Variants in SLC6A3 observed in about 807,000 individuals in gnomAD.
SLC6A3 encodes the protein sodium-dependent dopamine transporter.
SLC6A3 carries 19 observed loss-of-function variants against 70.4 expected under a neutral mutation model. The ratio of observed to expected loss-of-function variants is 0.27; its 90% CI spans 0.19 to 0.40. SLC6A3 has a LOEUF of 0.40. Among genes scored for constraint, SLC6A3 ranks in the 10% least tolerant of loss-of-function variants. The probability of loss-of-function intolerance (pLI) is 1.00; values close to 1 mark genes in which losing one functional copy is unlikely to be tolerated. For synonymous variants in SLC6A3, 368 were observed against 356.6 expected (o/e 1.03, Z -0.36); for missense variants, 613 against 838.5 (o/e 0.73, Z 3.32).
At chr5:1,434,992 C>G (rs527730697) in intron 3 of SLC6A3, among the ~76,000 whole-genome samples, 1 of 152,330 alleles carries the variant, frequency 6.6e-6, no homozygotes, top group East Asian at 1.9e-4. Context: ...AAGGTCTTCT[C>G]CTATGTGGAT....
At chr5:1,418,894 C>A (rs549831360) in intron 6 of SLC6A3, among the ~76,000 whole-genome samples, 1 of 149,616 alleles carries the variant, frequency 6.7e-6, no homozygotes, top group African/African-American at 2.5e-5. Context: ...TAGCTACCTA[C>A]CTATCATTCA....
At chr5:1,414,641 C>T (rs28363073) in intron 8 of SLC6A3, 50 bp downstream of exon 8, 198 of 1,604,048 alleles carry the variant, frequency 1.2e-4, no homozygotes, top group Middle Eastern at 7.1e-4. Context: ...GCTGAGAGCT[C>T]GGCGCTGGTG....
chr5:1,421,750 G>A lies in SLC6A3; in HGVS notation c.792+126C>T. On this transcript the variant is annotated intron_variant, in intron 5 of 14. Transcript: ENST00000270349. This position sits in a 1 kb window ranked among gnomAD's most constrained non-coding sequence, Gnocchi z 7.2. ...ATGGCCATGTGTCCACCCCAACCTG[G>A]CCATGGCCACATTGGTAGCACAAAA... 1 of 1,033,066 alleles carries A rather than the reference G, an allele frequency of 9.7e-7. No homozygotes were observed. The highest frequency in any genetic ancestry group is 1.5e-6 in the Non-Finnish European group (1 of 662,256). 64.0% of individuals were successfully genotyped at this position (1,033,066 alleles called of 1,614,324 possible). A position where few individuals can be genotyped will look rare whatever the true frequency, so the allele number is the denominator to read the frequency against.
rs1405381036 is a variant in SLC6A3 at position 1,421,622 on chromosome 5, G to A, written c.792+254C>T. Among the ~76,000 whole-genome samples, 3 of 151,796 alleles carry A rather than the reference G, an allele frequency of 2.0e-5. No individual in the cohort carries two copies. The highest frequency in any genetic ancestry group is 3.9e-4 in the East Asian group (2 of 5,172). On this transcript the variant is annotated intron_variant, in intron 5 of 14. Coordinates refer to ENST00000270349, the MANE Select transcript of SLC6A3 (RefSeq NM_001044.5). This position sits in a 1 kb window ranked among gnomAD's most constrained non-coding sequence, Gnocchi z 7.2. ...TCCCCCCACCCACCCATGGCCGCGC[G>A]TCTACCCAAGCCAACCCGGCACAGC...
rs1340663801 is a variant in SLC6A3, at chr5:1,392,808, A to T, written c.*1927T>A. ...GGCTGAGGCAGTTTTTCCATTGTGG[A>T]TGTCTTTTATTGTGCTTAGGGACCC... On this transcript the variant is annotated 3_prime_UTR_variant, in exon 15 of 15. Transcript: ENST00000270349. 1 of 152,246 alleles carries T rather than the reference A, an allele frequency of 6.6e-6. No homozygotes were observed. Among genetic ancestry groups the T allele is most frequent in the African/African-American group, 2.4e-5 (1 of 41,418 alleles). The allele number at this position is 152,246 out of a possible 1,614,324, so 9.4% of individuals were successfully genotyped here. A position where few individuals can be genotyped will look rare whatever the true frequency, so the allele number is the denominator to read the frequency against.
chr5:1,434,579 G>A (rs938501867), intron 3 of SLC6A3, among the ~76,000 whole-genome samples: 6 of 152,062 alleles, frequency 3.9e-5, no homozygotes, highest in South Asian at 2.1e-4. Context: ...GCACCATCAC[G>A]TTCTTGCTAC....
chr5:1,423,766 T>C (rs1756516757), intron 4 of SLC6A3, among the ~76,000 whole-genome samples: 4 of 152,144 alleles, frequency 2.6e-5, no homozygotes, highest in Non-Finnish European at 2.9e-5. Flanking sequence ...GCGTCACCAC[T>C]GCAGACTGTG....
chr5:1,397,892 C>T lies in SLC6A3; in HGVS notation c.1839+3023G>A, dbSNP rs11564772. On this transcript the variant is annotated intron_variant, in intron 14 of 14. Transcript: ENST00000270349. The surrounding 1 kb of genome is among the most constrained non-coding windows in gnomAD (Gnocchi z 4.7). ...TACAAAATAATAACAGGAACAAGAA[C>T]AATGACAGTGTCTAATTTGTGGGTT... is the stretch of plus-strand genomic sequence containing the variant. Among the ~76,000 whole-genome samples, 14,047 of 152,148 alleles carry T rather than the reference C, an allele frequency of 0.092. 814 individuals carry two copies. The highest frequency in any genetic ancestry group is 0.16 in the African/African-American group (6,590 of 41,480).
In SLC6A3 at chr5:1,420,709, G is replaced by T; in HGVS notation, c.793-6C>A. ...GTGGCTGTGATCCATACCACCTGCA[G>T]GAGAGGACAGTGTCACCAGGCTGCA... On this transcript the variant is annotated splice_region_variant and splice_polypyrimidine_tract_variant and intron_variant, in intron 5 of 14. Coordinates refer to ENST00000270349, the MANE Select transcript of SLC6A3 (RefSeq NM_001044.5). 1 of 1,613,030 alleles carries T rather than the reference G, an allele frequency of 6.2e-7. No homozygotes were observed. Among genetic ancestry groups the T allele is most frequent in the Non-Finnish European group, 8.5e-7 (1 of 1,179,894 alleles).
Position 1,406,347 on chromosome 5 carries a change from A to C in SLC6A3, c.1499-59T>G, listed in dbSNP as rs532913047. On this transcript the variant is annotated intron_variant, in intron 11 of 14. Transcript: ENST00000270349. This position sits in a 1 kb window ranked among gnomAD's most constrained non-coding sequence, Gnocchi z 8.8. The stretch of plus-strand genomic sequence containing the variant: ...GGGCAGCGCATTCCCCCGATGCTGG[A>C]CACGTGTGGGGGTCCTCGCTGACTC... The C allele has an allele frequency of 5.9e-5, 83 of 1,416,846 alleles. No homozygotes were observed. Among genetic ancestry groups the C allele is most frequent in the Middle Eastern group, 5.3e-4 (3 of 5,702 alleles). The allele number at this position is 1,416,846 out of a possible 1,614,324, so 87.8% of individuals were successfully genotyped here. A position where few individuals can be genotyped will look rare whatever the true frequency, so the allele number is the denominator to read the frequency against.
intron 4 of SLC6A3, among the ~76,000 whole-genome samples, chr5:1,430,238 C>T (rs555520227): frequency 2.0e-5 from 3 of 152,194 alleles, no homozygotes; most frequent in African/African-American, 7.2e-5. Flanking sequence ...TCTCTCCCAT[C>T]GTGGCACCGT....
rs1010099821 is a variant in SLC6A3, at chr5:1,437,547, G to A, written c.418+3812C>T. On this transcript the variant is annotated intron_variant, in intron 3 of 14. Transcript: ENST00000270349. This position sits in a 1 kb window ranked among gnomAD's most constrained non-coding sequence, Gnocchi z 4.8. ...TCTCAGGACCCTGGGGTGCACTGCGGGGCTGAAGGCCCCAGAGGCCCCTCT... is the reference window on the plus strand; with the variant it reads ...TCTCAGGACCCTGGGGTGCACTGCGAGGCTGAAGGCCCCAGAGGCCCCTCT... Among the ~76,000 whole-genome samples, 1 of 152,222 alleles carries A rather than the reference G, an allele frequency of 6.6e-6. No individual in the cohort carries two copies. The highest frequency in any genetic ancestry group is 6.5e-5 in the Admixed American group (1 of 15,290).
At position 1,413,369 on chromosome 5, in the gene SLC6A3, A is replaced by C. The variant is rs552663165; in HGVS notation, c.1156+1322T>G. Among the ~76,000 whole-genome samples the C allele has an allele frequency of 6.6e-6, 1 of 152,270 alleles. No individual in the cohort carries two copies. Among genetic ancestry groups the C allele is most frequent in the East Asian group, 1.9e-4 (1 of 5,172 alleles). On this transcript the variant is annotated intron_variant, in intron 8 of 14. Transcript: ENST00000270349. The surrounding 1 kb of genome is among the most constrained non-coding windows in gnomAD (Gnocchi z 7.1). ...CCGACCCTGGCTTTCTGTTGCAAGC[A>C]TGGAGTGGGCCCTTTCAGGTCTCTG...
At chr5:1,414,958 G>C (rs1033465020) in intron 7 of SLC6A3, 143 bp from the exon 8 acceptor site, 17 of 1,033,204 alleles carry the variant, frequency 1.6e-5, no homozygotes, top group Non-Finnish European at 2.3e-5. Context: ...AGCACGGCCA[G>C]CTCCTTAGCA....
chr5:1,419,082 C>T (rs1756375682), intron 6 of SLC6A3, among the ~76,000 whole-genome samples: 1 of 151,372 alleles, frequency 6.6e-6, no homozygotes, highest in Non-Finnish European at 1.5e-5. Context: ...TCTGTCCATC[C>T]TATCTAGCTA....
chr5:1,394,740 C>A lies in SLC6A3; in HGVS notation c.1858G>T (p.Val620Leu). 1 of 1,614,174 alleles carries A rather than the reference C, an allele frequency of 6.2e-7. No homozygotes were observed. Among genetic ancestry groups the A allele is most frequent in the South Asian group, 1.1e-5 (1 of 91,090 alleles). The change falls in exon 15 of 15, where the codon GTG becomes TTG. Residue 620 changes from valine to leucine, a missense_variant. Coordinates refer to ENST00000270349, the MANE Select transcript of SLC6A3 (RefSeq NM_001044.5). This position sits in a 1 kb window ranked among gnomAD's most constrained non-coding sequence, Gnocchi z 4.7. ...RQFTLRHWLK[V>L] ...GGTCTTCGTCTCTGCTCCCTCTACA[C>A]CTTGAGCCAGTGGCGGAGCTGGAAA... is the stretch of plus-strand genomic sequence containing the variant.
At chr5:1,419,394 T>C (rs192654631) in intron 6 of SLC6A3, among the ~76,000 whole-genome samples, 3 of 152,004 alleles carry the variant, frequency 2.0e-5, no homozygotes, top group Non-Finnish European at 4.4e-5. Flanking sequence ...TCCACCTAAT[T>C]TCTGACATCT....
Position 1,442,809 on chromosome 5 carries a change from G to A in SLC6A3, c.286+103C>T. On this transcript the variant is annotated intron_variant, in intron 2 of 14. Transcript: ENST00000270349. This position sits in a 1 kb window ranked among gnomAD's most constrained non-coding sequence, Gnocchi z 5.0. Reference sequence around the variant, plus strand: ...CTCTCACAGGGAGCTCCGTCTTCACGCATGGGAACAGCTTCATCTCGTTTC... The same window carrying A: ...CTCTCACAGGGAGCTCCGTCTTCACACATGGGAACAGCTTCATCTCGTTTC... The A allele has an allele frequency of 8.3e-6, 10 of 1,201,698 alleles. No individual in the cohort carries two copies. Among genetic ancestry groups the A allele is most frequent in the Non-Finnish European group, 1.2e-5 (10 of 812,542 alleles). 74.4% of individuals were successfully genotyped at this position (1,201,698 alleles called of 1,614,324 possible).
intron 4 of SLC6A3, among the ~76,000 whole-genome samples, chr5:1,424,595 C>A (rs1368259225): frequency 6.6e-6 from 1 of 152,218 alleles, no homozygotes; most frequent in African/African-American, 2.4e-5. Context: ...GCCCAGGTGC[C>A]TGGAGAAAAG....
Sources: allele counts gnomAD v4.1 joint callset (sites outside exome capture counted in the v4.1 genomes callset), GRCh38; gene constraint gnomAD v4.1.1; non-coding constraint Gnocchi (gnomAD v3.1); transcripts MANE v1.5; gene names NCBI Gene and HGNC (gene_info 2026-07-23, HGNC 2026-07-21).